Variants in NUP214 observed in about 807,000 individuals in gnomAD.
NUP214 encodes nucleoporin 214.
In NUP214, 79 loss-of-function variants were observed where a neutral mutation model predicts 196.2. That is an observed-to-expected ratio of 0.40 (90% CI 0.34 to 0.49). The LOEUF (loss-of-function observed/expected upper bound fraction) is 0.49. Among genes scored for constraint, NUP214 ranks in the 20% least tolerant of loss-of-function variants. The probability of loss-of-function intolerance (pLI) is 0.58; values close to 1 mark genes in which losing one functional copy is unlikely to be tolerated. For missense variants in NUP214, 2,468 were observed against 2,539.0 expected (o/e 0.97, Z 0.60); for synonymous variants, 1,020 against 990.5 (o/e 1.03, Z -0.56).
intron 24 of NUP214, among the ~76,000 whole-genome samples, chr9:131,184,335 C>CTTTT (rs544235064): frequency 1.1e-5 from 1 of 93,672 alleles, no homozygotes; most frequent in Non-Finnish European, 2.3e-5. Context: ...CGGCCTCTCT[C>CTTTT]TTTTTTTTTT....
chr9:131,203,484 A>G (rs1833996932), intron 30 of NUP214, among the ~76,000 whole-genome samples: 1 of 152,206 alleles, frequency 6.6e-6, no homozygotes, highest in Non-Finnish European at 1.5e-5. Context: ...CTGAAGGTAG[A>G]ATTTGTATTA....
chr9:131,144,412 G>A lies in NUP214; in HGVS notation c.1427G>A (p.Gly476Asp), dbSNP rs759037049. ...PIATFSLLPA[G>D]GAPTVFSFGS... Reference sequence around the variant, plus strand: ...GCCACTTTTTCTTTGCTTCCTGCTGGTGGAGCCCCCACTGTGTTCTCCTTT... The same window carrying A: ...GCCACTTTTTCTTTGCTTCCTGCTGATGGAGCCCCCACTGTGTTCTCCTTT... Residue 476 changes from glycine to aspartate, a missense_variant, in exon 12 of 36, where the codon GGT (glycine) becomes GAT (aspartate). Physicochemically the swap from Gly to Asp is moderately conservative, Grantham distance 94 (BLOSUM62 -1). Coordinates refer to ENST00000359428, the MANE Select transcript of NUP214 (RefSeq NM_005085.4). The A allele has an allele frequency of 1.4e-5, 22 of 1,613,922 alleles. No homozygotes were observed. Among genetic ancestry groups the A allele is most frequent in the Non-Finnish European group, 1.8e-5 (21 of 1,179,998 alleles).
At chr9:131,150,286 A>G (rs1832218813) in intron 14 of NUP214, 38 bp from the exon 15 acceptor site, 4 of 1,579,124 alleles carry the variant, frequency 2.5e-6, no homozygotes, top group Non-Finnish European at 3.5e-6. Flanking sequence ...TGTAGAAGCT[A>G]TGACTTGCAG....
At chr9:131,211,747 C>T (rs1179878074) in intron 30 of NUP214, among the ~76,000 whole-genome samples, 1 of 152,150 alleles carries the variant, frequency 6.6e-6, no homozygotes, top group Non-Finnish European at 1.5e-5. Flanking sequence ...TTTCCTATGC[C>T]TGTCTTTACT....
In NUP214 at chr9:131,232,283, G is replaced by A; in HGVS notation, c.6215-1G>A. ...AACTTCACTCTTATTCTGCTTTTCA[G>A]GGTTCAGCTTTGGGTCAAATAACTC... is the stretch of plus-strand genomic sequence containing the variant. On this transcript the variant is annotated splice_acceptor_variant, in intron 34 of 35. Coordinates refer to ENST00000359428, the MANE Select transcript of NUP214 (RefSeq NM_005085.4). LOFTEE classifies it high-confidence loss of function. This position sits in a 1 kb window ranked among gnomAD's most constrained non-coding sequence, Gnocchi z 5.1. The A allele has an allele frequency of 6.2e-7, 1 of 1,614,164 alleles. No homozygotes were observed. The highest frequency in any genetic ancestry group is 8.5e-7 in the Non-Finnish European group (1 of 1,180,004).
At chr9:131,142,458 A>T (rs1470871121) in intron 11 of NUP214, among the ~76,000 whole-genome samples, 1 of 152,250 alleles carries the variant, frequency 6.6e-6, no homozygotes, top group East Asian at 1.9e-4. Context: ...AGCCTACTTC[A>T]TGGGTTCAGA....
In NUP214 at chr9:131,150,491, A is replaced by G. The variant is rs1385425456; in HGVS notation, c.2127+81A>G. The G allele has an allele frequency of 5.1e-6, 8 of 1,566,670 alleles. No individual in the cohort carries two copies. In the East Asian group the frequency reaches 1.3e-4, roughly 26 times the overall value. ...TCAGAGTGCCAACCCCTGTATGACT[A>G]GTTAGTTCATTCTAGCGCTGAAGCA... On this transcript the variant is annotated intron_variant, in intron 15 of 35. Transcript: ENST00000359428.
At chr9:131,175,318 C>T in intron 22 of NUP214, 142 bp from the exon 23 acceptor site, 2 of 917,342 alleles carry the variant, frequency 2.2e-6, no homozygotes, top group Non-Finnish European at 3.3e-6. Context: ...AGATGCCAGC[C>T]TGTTAGTTTA....
chr9:131,227,853 A>T (rs1473197773), intron 32 of NUP214, among the ~76,000 whole-genome samples: 4 of 152,094 alleles, frequency 2.6e-5, no homozygotes, highest in Non-Finnish European at 5.9e-5. Flanking sequence ...ACACGGCTTC[A>T]CAGTGACTTC....
At chr9:131,215,897 A>AT (rs768564629) in intron 31 of NUP214, among the ~76,000 whole-genome samples, 11,112 of 123,670 alleles carry the variant, frequency 0.09, 653 homozygotes, top group Middle Eastern at 0.14. Context: ...TCTTTAGCTA[A>AT]TTTTTTTTTT....
At position 131,206,300 on chromosome 9, in the gene NUP214, G is replaced by A. The variant is rs563054062; in HGVS notation, c.5592+4583G>A. The stretch of plus-strand genomic sequence containing the variant: ...AGCTGAGACTACAGGTGCACACACT[G>A]TGCCTGGCTAATTTTTTGTATTTTT... On this transcript the variant is annotated intron_variant, in intron 30 of 35. Coordinates refer to ENST00000359428, the MANE Select transcript of NUP214 (RefSeq NM_005085.4). Among the ~76,000 whole-genome samples, 4 of 151,458 alleles carry A rather than the reference G, an allele frequency of 2.6e-5. No homozygotes were observed. The East Asian group carries it at 7.8e-4, about 30-fold the overall frequency.
rs1187345358 is a variant in NUP214 at position 131,192,298 on chromosome 9, T to C, written c.3659+6T>C. ...TTCTCATTTTCTCCATCAGGGTCAG[T>C]AATGAACTTAAGTTTTATGGCAAAT... On this transcript the variant is annotated splice_donor_region_variant and intron_variant, in intron 27 of 35. Transcript: ENST00000359428. 3 of 1,558,692 alleles carry C rather than the reference T, an allele frequency of 1.9e-6. No individual in the cohort carries two copies. Among genetic ancestry groups the C allele is most frequent in the Non-Finnish European group, 2.6e-6 (3 of 1,142,744 alleles).
At chr9:131,132,403 C>A (rs541134119) in intron 5 of NUP214, among the ~76,000 whole-genome samples, 193 bp from the exon 6 acceptor site, 1 of 152,136 alleles carries the variant, frequency 6.6e-6, no homozygotes, top group African/African-American at 2.4e-5. Context: ...CATGAGTCAC[C>A]ACACCCAGCC....
chr9:131,167,616 A>G (rs1455263672), intron 21 of NUP214: 1 of 152,208 alleles, frequency 6.6e-6, no homozygotes, highest in Non-Finnish European at 1.5e-5. Flanking sequence ...GTTGTTCCAC[A>G]TCTTTGCCAA....
intron 15 of NUP214, 56 bp from the exon 16 acceptor site, chr9:131,150,560 G>T: frequency 4.4e-6 from 7 of 1,598,018 alleles, no homozygotes; most frequent in Non-Finnish European, 5.1e-6. Context: ...CACGATAGCA[G>T]TGACATTACT....
chr9:131,179,379 G>A (rs1000770900), intron 24 of NUP214, among the ~76,000 whole-genome samples: 3 of 152,134 alleles, frequency 2.0e-5, no homozygotes, highest in South Asian at 2.1e-4. Flanking sequence ...GGGCAGGTTC[G>A]CAGAACATGC....
chr9:131,201,580 A>G lies in NUP214; in HGVS notation c.5522-67A>G, dbSNP rs147349469. The G allele has an allele frequency of 1.1e-4, 151 of 1,324,588 alleles. No homozygotes were observed. In the African/African-American group the frequency reaches 1.8e-3, roughly 16 times the overall value. 82.1% of individuals were successfully genotyped at this position (1,324,588 alleles called of 1,614,324 possible). The stretch of plus-strand genomic sequence containing the variant: ...CTCTGCCTCAAAAAAAAAAAACAAC[A>G]AAACTTTAATGTTGTAAAAGACTCA... On this transcript the variant is annotated intron_variant, in intron 29 of 35. Coordinates refer to ENST00000359428, the MANE Select transcript of NUP214 (RefSeq NM_005085.4).
intron 11 of NUP214, among the ~76,000 whole-genome samples, chr9:131,142,052 C>A (rs1201536194): frequency 6.6e-6 from 1 of 152,192 alleles, no homozygotes; most frequent in Non-Finnish European, 1.5e-5. Flanking sequence ...GGCAGCACTA[C>A]CCCAAGTGAT....
chr9:131,167,919 C>G (rs567360509), intron 21 of NUP214, among the ~76,000 whole-genome samples: 1 of 152,324 alleles, frequency 6.6e-6, no homozygotes, highest in African/African-American at 2.4e-5. Context: ...GACTCTTGCT[C>G]TGTTGCCCAG....
Sources: allele counts gnomAD v4.1 joint callset (sites outside exome capture counted in the v4.1 genomes callset), GRCh38; gene constraint gnomAD v4.1.1; non-coding constraint Gnocchi (gnomAD v3.1); transcripts MANE v1.5; gene names NCBI Gene and HGNC (gene_info 2026-07-23, HGNC 2026-07-21).